CCDC14: variants seen among roughly 807,000 people sequenced by gnomAD.
CCDC14 encodes coiled-coil domain-containing protein 14.
CCDC14 carries 71 observed loss-of-function variants against 81.4 expected under a neutral mutation model. The observed-to-expected ratio is 0.87, with a 90% confidence interval of 0.72 to 1.06. The LOEUF is 1.06. Ranked by LOEUF, CCDC14 falls within the 50% of genes least tolerant of loss-of-function variation. The probability of loss-of-function intolerance (pLI) is 0.00; values close to 1 mark genes in which losing one functional copy is unlikely to be tolerated. For missense variants in CCDC14, 1,046 were observed against 1,047.3 expected, an observed-to-expected ratio of 1.00 and a Z score of 0.02; for synonymous variants, 332 against 364.8, an observed-to-expected ratio of 0.91 and a Z score of 1.03.
At position 123,956,855 on chromosome 3, in the gene CCDC14, C is replaced by T; in HGVS notation, c.31-60G>A. The T allele has an allele frequency of 2.7e-6, 3 of 1,093,078 alleles. No individual in the cohort carries two copies. In the South Asian group the frequency reaches 4.7e-5, roughly 17 times the overall value. The allele number at this position is 1,093,078 out of a possible 1,614,324, so 67.7% of individuals were successfully genotyped here. On this transcript the variant is annotated intron_variant, in intron 1 of 12. Transcript: ENST00000409697. Reference sequence around the variant, plus strand: ...ATTTTTCTATTATATTTTCAATATGCTATCTTGACAAAATTTAATGTCATT... The same window carrying T: ...ATTTTTCTATTATATTTTCAATATGTTATCTTGACAAAATTTAATGTCATT...
At position 123,933,097 on chromosome 3, in the gene CCDC14, AAAAC is replaced by A. The variant is rs761660866; in HGVS notation, c.1426+572_1426+575del. 8.3e-3 allele frequency among the ~76,000 whole-genome samples: 622 copies of A among 75,288 alleles called. 1 individual carries two copies. The highest frequency in any genetic ancestry group is 0.011 in the Non-Finnish European group (437 of 40,398). The allele number at this position is 75,288 out of a possible 152,430, so 49.4% of individuals were successfully genotyped here. On this transcript the variant is annotated intron_variant, in intron 10 of 12. Transcript: ENST00000409697. ...CTGGGCCACAGAGTGACGCCGTCTC[AAAAC>A]AAACAAACAAACAAACAAACAAACA... is the stretch of plus-strand genomic sequence containing the variant.
At chr3:123,916,714 C>T (rs897967507) in intron 12 of CCDC14, among the ~76,000 whole-genome samples, 8 of 151,906 alleles carry the variant, frequency 5.3e-5, no homozygotes, top group Non-Finnish European at 7.4e-5. Flanking sequence ...AAGATATTTC[C>T]GAACTACAAT....
chr3:123,916,543 A>C (rs1158529913), intron 12 of CCDC14, among the ~76,000 whole-genome samples: 5 of 151,230 alleles, frequency 3.3e-5, no homozygotes, highest in Non-Finnish European at 7.4e-5. Flanking sequence ...ATTATCTGGC[A>C]TAATAGGTAT....
At chr3:123,959,953 T>G (rs2700391) in intron 1 of CCDC14, among the ~76,000 whole-genome samples, 17,123 of 152,082 alleles carry the variant, frequency 0.11, 2,327 homozygotes, top group East Asian at 0.35. Flanking sequence ...TTTTCACAAT[T>G]AAAAAAACAA....
downstream of CCDC14, among the ~76,000 whole-genome samples, chr3:123,912,960 C>A (rs1577212982): frequency 6.6e-6 from 1 of 152,266 alleles, no homozygotes; most frequent in East Asian, 1.9e-4. Flanking sequence ...TTTGATGATA[C>A]TGACTTTCTA....
rs61094944 is a variant in CCDC14 at position 123,934,270 on chromosome 3, C to CAAAAAAAAAAAA, written c.1344-527_1344-516dup. Among the ~76,000 whole-genome samples, 9 of 52,288 alleles carry CAAAAAAAAAAAA rather than the reference C, an allele frequency of 1.7e-4. 1 individual carries two copies. Among genetic ancestry groups the CAAAAAAAAAAAA allele is most frequent in the African/African-American group, 6.8e-4 (8 of 11,846 alleles). 34.3% of individuals were successfully genotyped at this position (52,288 alleles called of 152,430 possible). A position where few individuals can be genotyped will look rare whatever the true frequency, so the allele number is the denominator to read the frequency against. ...CTGGCGAAAGAGTGAGACTCTGCCT[C>CAAAAAAAAAAAA]AAAAAAAAAAAAAAAAAAAAAAAAA... On this transcript the variant is annotated intron_variant, in intron 9 of 12. Coordinates refer to ENST00000409697, the MANE Select transcript of CCDC14 (RefSeq NM_001366335.1).
chr3:123,931,568 A>G (rs778491945), intron 10 of CCDC14, 42 bp from the exon 11 acceptor site: 1 of 1,148,330 alleles, frequency 8.7e-7, no homozygotes, highest in Non-Finnish European at 1.2e-6. Flanking sequence ...TCCCAAACCT[A>G]AAAAGTACAA....
chr3:123,885,308 T>C, the CCDC14 span, among the ~76,000 whole-genome samples: 1 of 151,992 alleles, frequency 6.6e-6, no homozygotes, highest in African/African-American at 2.4e-5. Flanking sequence ...GATCAAGAAA[T>C]AGAACTCTGC....
At chr3:123,907,520 A>G (rs2034338690) in intron 5 of CCDC14, among the ~76,000 whole-genome samples, 1 of 151,714 alleles carries the variant, frequency 6.6e-6, no homozygotes, top group Non-Finnish European at 1.5e-5. Context: ...CCAGCCTGGG[A>G]AAGATGGTGA....
chr3:123,931,145 G>A lies in CCDC14; in HGVS notation c.1735C>T (p.Arg579Cys), dbSNP rs184305757. The A allele has an allele frequency of 1.5e-5, 24 of 1,611,010 alleles. No individual in the cohort carries two copies. Among genetic ancestry groups the A allele is most frequent in the Admixed American group, 1.2e-4 (7 of 59,218 alleles). ...KENQILGITLRQRDAEVTRLR... is the reference protein window; with the variant it reads ...KENQILGITLCQRDAEVTRLR... ...CGAGTCACCTCAGCATCACGCTGAC[G>A]TAATGTTATCCCCAATATCTGGTTT... Residue 579 changes from arginine to cysteine, a missense_variant, in exon 12 of 13, where the codon CGT becomes TGT. Coordinates refer to ENST00000409697, the MANE Select transcript of CCDC14 (RefSeq NM_001366335.1).
the CCDC14 span, among the ~76,000 whole-genome samples, chr3:123,887,869 C>T: frequency 6.6e-6 from 1 of 152,082 alleles, no homozygotes; most frequent in South Asian, 2.1e-4. Flanking sequence ...GCATATTGAA[C>T]CTTTTTTGTC....
downstream of CCDC14, among the ~76,000 whole-genome samples, chr3:123,910,143 C>A (rs544528611): frequency 2.6e-5 from 4 of 152,142 alleles, no homozygotes; most frequent in African/African-American, 9.6e-5. Context: ...ATGAAAATGG[C>A]CACCCATGAC....
intron 9 of CCDC14, among the ~76,000 whole-genome samples, chr3:123,942,172 T>C (rs117924414): frequency 0.011 from 1,744 of 152,132 alleles, 78 homozygotes; most frequent in Admixed American, 0.084. Context: ...CTTAACTTCT[T>C]AGATATATAA....
At chr3:123,948,660 GTTAC>G (rs754167483) in intron 7 of CCDC14, 27 bp downstream of exon 7, 9 of 1,478,668 alleles carry the variant, frequency 6.1e-6, no homozygotes, top group Non-Finnish European at 8.3e-6. Flanking sequence ...TAAGCAAATA[GTTAC>G]TTATGTAGTA....
intron 5 of CCDC14, among the ~76,000 whole-genome samples, chr3:123,900,362 G>A (rs1014799862): frequency 6.6e-6 from 1 of 152,204 alleles, no homozygotes; most frequent in Non-Finnish European, 1.5e-5. Context: ...CACATGAACA[G>A]AAGCCTGACA....
In CCDC14 at chr3:123,952,532, C is replaced by G. The variant is rs2037076834; in HGVS notation, c.352+3311G>C. ...TGCCAGAAGCACTCTCAAATAAGCTCAATACAATTCTGGAAGGGCTTCTCT... is the reference window on the plus strand; with the variant it reads ...TGCCAGAAGCACTCTCAAATAAGCTGAATACAATTCTGGAAGGGCTTCTCT... On this transcript the variant is annotated intron_variant, in intron 5 of 12. Coordinates refer to ENST00000409697, the MANE Select transcript of CCDC14 (RefSeq NM_001366335.1). 1.2e-4 allele frequency: 58 copies of G among 494,842 alleles called. 1 individual carries two copies. Among genetic ancestry groups the G allele is most frequent in the South Asian group, 8.6e-4 (57 of 66,398 alleles). The allele number at this position is 494,842 out of a possible 1,614,324, so 30.7% of individuals were successfully genotyped here.
intron 12 of CCDC14, among the ~76,000 whole-genome samples, chr3:123,916,310 T>C (rs1470451372): frequency 6.6e-6 from 1 of 152,124 alleles, no homozygotes; most frequent in Non-Finnish European, 1.5e-5. Context: ...AGATGGTTTA[T>C]TCTTGAGCAG....
downstream of CCDC14, chr3:123,913,350 C>T (rs1289715713): frequency 2.0e-6 from 2 of 981,332 alleles, no homozygotes; most frequent in African/African-American, 1.8e-5. Context: ...AATAGGATTA[C>T]CAGGTAATCT....
intron 12 of CCDC14, among the ~76,000 whole-genome samples, chr3:123,927,375 C>T (rs948552736): frequency 5.3e-5 from 8 of 152,044 alleles, no homozygotes; most frequent in Non-Finnish European, 1.0e-4. Context: ...TGTGATCGCA[C>T]CACTGGACTC....
Sources: gnomAD v4.1 joint callset for allele counts (sites outside exome capture counted in the v4.1 genomes callset) on GRCh38, gnomAD v4.1.1 for gene constraint, MANE v1.5 for transcripts, NCBI Gene and HGNC (gene_info 2026-07-23, HGNC 2026-07-21) for gene names.